Variants in TMEM132B observed in about 807,000 individuals in gnomAD.
TMEM132B encodes the protein transmembrane protein 132B.
TMEM132B carries 18 observed loss-of-function variants against 90.8 expected under a neutral mutation model. The ratio of observed to expected loss-of-function variants is 0.20; its 90% CI spans 0.14 to 0.29. The LOEUF is 0.29. Ranked by LOEUF, TMEM132B falls within the 10% of genes least tolerant of loss-of-function variation. The probability of loss-of-function intolerance (pLI) is 1.00; values close to 1 mark genes in which losing one functional copy is unlikely to be tolerated. For missense variants in TMEM132B, 1,096 were observed against 1,326.8 expected, an observed-to-expected ratio of 0.83 and a Z score of 2.70; for synonymous variants, 504 against 523.3, an observed-to-expected ratio of 0.96 and a Z score of 0.50.
At chr12:125,403,101 A>G (rs161881) in intron 2 of TMEM132B, among the ~76,000 whole-genome samples, 69,348 of 152,050 alleles carry the variant, frequency 0.46, 16,712 homozygotes, top group East Asian at 0.88. Flanking sequence ...ACTGAGTCCA[A>G]TGTCTGTTAG....
intron 1 of TMEM132B, among the ~76,000 whole-genome samples, chr12:125,290,404 T>A (rs1875504961): frequency 6.6e-6 from 1 of 152,184 alleles, no homozygotes; most frequent in Non-Finnish European, 1.5e-5. Context: ...CAATCGATGC[T>A]CCTGTAGACT....
intron 2 of TMEM132B, among the ~76,000 whole-genome samples, chr12:125,403,064 G>A (rs1189544826): frequency 2.0e-5 from 3 of 152,136 alleles, no homozygotes; most frequent in African/African-American, 7.2e-5. Context: ...GCCATTTGGA[G>A]CCTGCCTGTT....
chr12:125,279,041 C>G (rs1875085197), intron 1 of TMEM132B, among the ~76,000 whole-genome samples: 1 of 152,148 alleles, frequency 6.6e-6, no homozygotes, highest in South Asian at 2.1e-4. Context: ...GGAAGAAGTG[C>G]CATGCTGGGT....
At chr12:125,543,406 C>T (rs1375026902) in intron 4 of TMEM132B, among the ~76,000 whole-genome samples, 1 of 152,118 alleles carries the variant, frequency 6.6e-6, no homozygotes, top group Non-Finnish European at 1.5e-5. Context: ...AAATTTACAT[C>T]GTTTTAGGTC....
intron 1 of TMEM132B, among the ~76,000 whole-genome samples, chr12:125,250,625 G>C (rs1874296728): frequency 6.6e-6 from 1 of 152,214 alleles, no homozygotes; most frequent in Admixed American, 6.5e-5. Flanking sequence ...AGAGGTGCAG[G>C]CTTTTGAAAC....
chr12:125,505,591 C>T (rs538123411), intron 3 of TMEM132B, among the ~76,000 whole-genome samples: 74 of 151,660 alleles, frequency 4.9e-4, no homozygotes, highest in African/African-American at 3.6e-4. Flanking sequence ...CCCAGCTACT[C>T]GGGAGGCTGA....
Position 125,654,003 on chromosome 12 carries a change from A to G in TMEM132B, c.2545A>G (p.Thr849Ala), listed in dbSNP as rs776799042. The G allele has an allele frequency of 1.7e-5, 27 of 1,614,082 alleles. No individual in the cohort carries two copies. Among genetic ancestry groups the G allele is most frequent in the Non-Finnish European group, 1.9e-5 (23 of 1,180,038 alleles). The change falls in exon 9 of 9, where the codon ACC becomes GCC. Residue 849 changes from threonine (T) to alanine (A), a missense_variant. Transcript: ENST00000682704. The surrounding 1 kb of genome is among the most constrained non-coding windows in gnomAD (Gnocchi z 5.8). ...CACACCTGTTGGCCAAGAGGAAAGTACCAACAAAAGCACAACCCCCCAGTC... is the reference window on the plus strand; with the variant it reads ...CACACCTGTTGGCCAAGAGGAAAGTGCCAACAAAAGCACAACCCCCCAGTC... Reference protein sequence around the residue: ...RGTPVGQEESTNKSTTPQSPM... With the variant: ...RGTPVGQEESANKSTTPQSPM...
chr12:125,207,863 A>C (rs1807247202), intron 1 of TMEM132B, among the ~76,000 whole-genome samples: 1 of 152,350 alleles, frequency 6.6e-6, no homozygotes, highest in Admixed American at 6.5e-5. Flanking sequence ...TGTATCTTCG[A>C]GGTTCACTCA....
At chr12:125,372,846 C>T (rs924245199) in intron 2 of TMEM132B, among the ~76,000 whole-genome samples, 4 of 152,140 alleles carry the variant, frequency 2.6e-5, no homozygotes, top group East Asian at 1.9e-4. Flanking sequence ...CCACACACAC[C>T]GTCTTTTCTA....
intron 3 of TMEM132B, among the ~76,000 whole-genome samples, chr12:125,471,122 A>C (rs1423878245): frequency 6.6e-6 from 1 of 152,220 alleles, no homozygotes; most frequent in Non-Finnish European, 1.5e-5. Flanking sequence ...CTGGTGTCCC[A>C]TGAGCTCAAT....
At chr12:125,376,070 T>C (rs1309160707) in intron 2 of TMEM132B, among the ~76,000 whole-genome samples, 1 of 152,106 alleles carries the variant, frequency 6.6e-6, no homozygotes, top group Non-Finnish European at 1.5e-5. Context: ...GTCAAGGAGG[T>C]AGTGTCTGTC....
At chr12:125,618,682 A>T (rs769678819) in intron 5 of TMEM132B, among the ~76,000 whole-genome samples, 6 of 151,600 alleles carry the variant, frequency 4.0e-5, no homozygotes, top group Non-Finnish European at 5.9e-5. Context: ...GTTTTTTTTT[A>T]AAGAATACAA....
intron 1 of TMEM132B, among the ~76,000 whole-genome samples, chr12:125,306,419 C>T (rs544524702): frequency 1.3e-5 from 2 of 152,246 alleles, no homozygotes; most frequent in South Asian, 2.1e-4. Context: ...TCTACCTGGA[C>T]GTCTCATTGG....
In TMEM132B at chr12:125,408,169, T is replaced by G. The variant is rs1183024035; in HGVS notation, c.960-7362T>G. ...GGCTTCTTCCACTCAGCTGTGTATT[T>G]GGAGGGTCGCTGTGTTGTTGTGTGG... On this transcript the variant is annotated intron_variant, in intron 2 of 8. Transcript: ENST00000682704. This position sits in a 1 kb window ranked among gnomAD's most constrained non-coding sequence, Gnocchi z 5.9. Among the ~76,000 whole-genome samples the G allele has an allele frequency of 6.6e-6, 1 of 152,204 alleles. No individual in the cohort carries two copies. The highest frequency in any genetic ancestry group is 2.4e-5 in the African/African-American group (1 of 41,442).
chr12:125,331,270 C>A (rs557526849), intron 1 of TMEM132B, among the ~76,000 whole-genome samples: 4 of 152,340 alleles, frequency 2.6e-5, no homozygotes, highest in African/African-American at 9.6e-5. Context: ...TGACTCTGAG[C>A]GACACAGGAC....
chr12:125,572,961 G>T (rs781115464), intron 4 of TMEM132B, among the ~76,000 whole-genome samples: 2 of 152,218 alleles, frequency 1.3e-5, no homozygotes, highest in South Asian at 2.1e-4. Flanking sequence ...ACTGGAAGTG[G>T]GTGCCCCTTC....
chr12:125,400,616 C>G (rs1879292039), intron 2 of TMEM132B, among the ~76,000 whole-genome samples: 1 of 152,190 alleles, frequency 6.6e-6, no homozygotes, highest in South Asian at 2.1e-4. Flanking sequence ...TTTCCATGCC[C>G]TGTAACCTGT....
intron 1 of TMEM132B, among the ~76,000 whole-genome samples, chr12:125,225,672 T>C (rs1016971844): frequency 6.6e-6 from 1 of 152,194 alleles, no homozygotes; most frequent in Non-Finnish European, 1.5e-5. Flanking sequence ...GCCTTCCACA[T>C]GGGGACTCAG....
chr12:125,477,124 C>A (rs953091907), intron 3 of TMEM132B, among the ~76,000 whole-genome samples: 23 of 152,298 alleles, frequency 1.5e-4, no homozygotes, highest in African/African-American at 5.3e-4. Context: ...ACCAGGCTCT[C>A]ATCAGCCCCA....
Sources: allele counts gnomAD v4.1 joint callset (sites outside exome capture counted in the v4.1 genomes callset), GRCh38; gene constraint gnomAD v4.1.1; non-coding constraint Gnocchi (gnomAD v3.1); transcripts MANE v1.5; gene names NCBI Gene and HGNC (gene_info 2026-07-23, HGNC 2026-07-21).